DNAH14: variants seen among roughly 807,000 people sequenced by gnomAD.
The protein encoded by DNAH14 is dynein axonemal heavy chain 14, also known as axonemal beta dynein heavy chain 14.
A neutral mutation model predicts 520.9 loss-of-function variants in DNAH14; 478 were observed. That is an observed-to-expected ratio of 0.92 (90% confidence interval 0.85 to 0.99). The LOEUF (loss-of-function observed/expected upper bound fraction) is 0.99, where lower values mean the gene tolerates loss of function less well. Ranked by LOEUF, DNAH14 falls within the 50% of genes least tolerant of loss-of-function variation. The pLI is 0.00. For synonymous variants in DNAH14, 1,581 were observed against 1,757.2 expected (o/e 0.90, Z 2.51); for missense variants, 4,831 against 5,234.5 (o/e 0.92, Z 2.38).
At chr1:225,242,823 T>C (rs1422459776) in intron 43 of DNAH14, among the ~76,000 whole-genome samples, 1 of 152,206 alleles carries the variant, frequency 6.6e-6, no homozygotes, top group Non-Finnish European at 1.5e-5. Flanking sequence ...AGATAATTAG[T>C]GCATTGTGCT....
chr1:225,195,115 G>C (rs1366612015), intron 38 of DNAH14, among the ~76,000 whole-genome samples: 2 of 152,072 alleles, frequency 1.3e-5, no homozygotes, highest in Non-Finnish European at 2.9e-5. Context: ...ATTTCTCAAA[G>C]AACTTAGAAC....
chr1:225,045,557 C>T (rs1209032555), intron 15 of DNAH14, among the ~76,000 whole-genome samples: 1 of 151,988 alleles, frequency 6.6e-6, no homozygotes, highest in Non-Finnish European at 1.5e-5. Context: ...CTCAGTCTTT[C>T]CTTGTCTTTT....
intron 17 of DNAH14, among the ~76,000 whole-genome samples, chr1:225,058,102 A>G (rs2069412178): frequency 6.6e-6 from 1 of 152,146 alleles, no homozygotes; most frequent in Non-Finnish European, 1.5e-5. Context: ...TTCAGAAGGA[A>G]TGGTACCAGC....
chr1:225,287,264 T>C (rs2093769315), intron 54 of DNAH14, among the ~76,000 whole-genome samples: 1 of 152,124 alleles, frequency 6.6e-6, no homozygotes, highest in Non-Finnish European at 1.5e-5. Context: ...AAATGCAGAA[T>C]GTGAAAGAAA....
rs574478032 is a variant in DNAH14 at position 225,274,494 on chromosome 1, G to A, written c.8010+1369G>A. ...CAGGCGTGAGCCACCGCGCCCGGCC[G>A]CATCTGTTATTTTTTGACTTTTTAG... On this transcript the variant is annotated intron_variant, in intron 52 of 85. Coordinates refer to ENST00000682510, the MANE Select transcript of DNAH14 (RefSeq NM_001367479.1). Among the ~76,000 whole-genome samples the A allele has an allele frequency of 9.5e-4, 145 of 152,036 alleles. 1 individual carries two copies. Among genetic ancestry groups the A allele is most frequent in the Non-Finnish European group, 1.6e-3 (108 of 68,002 alleles).
intron 27 of DNAH14, among the ~76,000 whole-genome samples, chr1:225,135,647 T>G (rs1403604547): frequency 6.6e-6 from 1 of 152,170 alleles, no homozygotes; most frequent in East Asian, 1.9e-4. Flanking sequence ...TCTGCTGTTT[T>G]GGGGTAAAGA....
Position 225,043,892 on chromosome 1 carries a change from A to C in DNAH14, c.1821A>C (p.Pro607=). The C allele has an allele frequency of 1.3e-6, 2 of 1,524,274 alleles. No individual in the cohort carries two copies. Among genetic ancestry groups the C allele is most frequent in the Non-Finnish European group, 1.8e-6 (2 of 1,127,162 alleles). 94.4% of individuals were successfully genotyped at this position (1,524,274 alleles called of 1,614,324 possible). The change falls in exon 15 of 86, where the codon CCA becomes CCC. Residue 607 remains proline, a synonymous_variant. Transcript: ENST00000682510. The part of the protein sequence containing the change: ...FENKYMYYEF[P]EFPTNLFIDP... The stretch of plus-strand genomic sequence containing the variant: ...TTATTGTTTTCTCTGTTAGATTTCC[A>C]GAATTTCCTACAAATCTCTTTATAG...
At chr1:224,987,597 T>C (rs973369851) in intron 8 of DNAH14, among the ~76,000 whole-genome samples, 1 of 152,086 alleles carries the variant, frequency 6.6e-6, no homozygotes, top group African/African-American at 2.4e-5. Flanking sequence ...AACAAGCTTG[T>C]GAGACAGAGG....
At chr1:224,940,412 G>A (rs1024830297) in intron 1 of DNAH14, among the ~76,000 whole-genome samples, 6 of 151,962 alleles carry the variant, frequency 3.9e-5, no homozygotes, top group African/African-American at 1.5e-4. Flanking sequence ...AATTAATGGT[G>A]GTTATCTTTG....
At chr1:225,264,817 A>T (rs1476153488) in intron 47 of DNAH14, among the ~76,000 whole-genome samples, 2 of 152,112 alleles carry the variant, frequency 1.3e-5, no homozygotes, top group African/African-American at 2.4e-5. Context: ...TTTTGTTTTC[A>T]CTTTTAAGTT....
chr1:225,315,487 A>G (rs1331348797), intron 60 of DNAH14, among the ~76,000 whole-genome samples: 3 of 151,948 alleles, frequency 2.0e-5, no homozygotes, highest in East Asian at 1.9e-4. Flanking sequence ...CCTTGCTAGC[A>G]AGGAGTTGTG....
chr1:224,960,351 A>C, intron 4 of DNAH14, 49 bp downstream of exon 4: 1 of 1,450,302 alleles, frequency 6.9e-7, no homozygotes, highest in Non-Finnish European at 9.1e-7. Flanking sequence ...ATACTTTTTC[A>C]GATTATTCTG....
At chr1:225,155,277 G>C (rs902194393) in intron 34 of DNAH14, among the ~76,000 whole-genome samples, 1 of 151,944 alleles carries the variant, frequency 6.6e-6, no homozygotes, top group Non-Finnish European at 1.5e-5. Context: ...GTTGCAAAAG[G>C]ATCTATCAAC....
chr1:225,236,215 G>A (rs2091565832), intron 42 of DNAH14, among the ~76,000 whole-genome samples: 4 of 152,054 alleles, frequency 2.6e-5, no homozygotes, highest in Admixed American at 2.6e-4. Flanking sequence ...CAGAGATTCT[G>A]GTACATTATC....
At chr1:225,205,589 A>G (rs2087445704) in intron 39 of DNAH14, among the ~76,000 whole-genome samples, 1 of 152,338 alleles carries the variant, frequency 6.6e-6, no homozygotes, top group South Asian at 2.1e-4. Flanking sequence ...TCTTCAAAGA[A>G]CATCTGTTTC....
At chr1:225,204,577 T>C (rs1408447984) in intron 39 of DNAH14, among the ~76,000 whole-genome samples, 1 of 152,160 alleles carries the variant, frequency 6.6e-6, no homozygotes, top group Admixed American at 6.5e-5. Flanking sequence ...CCAGCAGCAA[T>C]CTACAATTTG....
At chr1:225,373,114 T>C (rs2095638259) in intron 77 of DNAH14, among the ~76,000 whole-genome samples, 1 of 148,060 alleles carries the variant, frequency 6.8e-6, no homozygotes, top group South Asian at 2.2e-4. Flanking sequence ...CACTGAACAT[T>C]GATAGCCGAT....
intron 32 of DNAH14, 88 bp from the exon 33 acceptor site, chr1:225,152,609 A>T (rs1461579366): frequency 4.0e-5 from 49 of 1,212,400 alleles, no homozygotes. Context: ...GAACACCAAT[A>T]TAATTATTTT....
At chr1:225,251,165 TA>T (rs1407994499) in intron 43 of DNAH14, among the ~76,000 whole-genome samples, 3 of 150,700 alleles carry the variant, frequency 2.0e-5, no homozygotes, top group African/African-American at 7.3e-5. Flanking sequence ...ATATAAATTG[TA>T]AAACTATAAA....
Sources: allele counts gnomAD v4.1 joint callset (sites outside exome capture counted in the v4.1 genomes callset), GRCh38; gene constraint gnomAD v4.1.1; transcripts MANE v1.5; gene names NCBI Gene and HGNC (gene_info 2026-07-23, HGNC 2026-07-21).